Variants in ERBB2 observed in about 807,000 individuals in gnomAD.
ERBB2 encodes receptor tyrosine-protein kinase erbB-2.
ERBB2 carries 61 observed loss-of-function variants against 149.0 expected under a neutral mutation model. The observed-to-expected ratio is 0.41, with a 90% CI of 0.33 to 0.51. ERBB2 has a LOEUF of 0.51. Ranked by LOEUF, ERBB2 falls within the 20% of genes least tolerant of loss-of-function variation. The pLI, the probability that ERBB2 is intolerant of heterozygous loss-of-function variation, is 0.25. For missense variants in ERBB2, 1,205 were observed against 1,655.1 expected, an observed-to-expected ratio of 0.73 and a Z score of 4.72; for synonymous variants, 633 against 678.8, an observed-to-expected ratio of 0.93 and a Z score of 1.05.
chr17:39,724,075 C>A, intron 19 of ERBB2, 65 bp downstream of exon 19: 1 of 1,175,924 alleles, frequency 8.5e-7, no homozygotes, highest in South Asian at 1.3e-5. Flanking sequence ...GGTCTGGGCT[C>A]TGGTCTCTCT....
At chr17:39,717,037 T>C in intron 14 of ERBB2, 4 of 459,292 alleles carry the variant, frequency 8.7e-6, no homozygotes, top group Non-Finnish European at 1.2e-5. Context: ...TACAGAGCAG[T>C]GACTGTTGTT....
intron 7 of ERBB2, among the ~76,000 whole-genome samples, chr17:39,711,637 G>A (rs1326134579): frequency 5.3e-5 from 8 of 152,184 alleles, no homozygotes; most frequent in Non-Finnish European, 1.0e-4. Flanking sequence ...AGGACAAAAT[G>A]TAGAGCCAGA....
rs551733152 is a variant in ERBB2, at chr17:39,724,555, G to A, written c.2308-171G>A. On this transcript the variant is annotated intron_variant, in intron 19 of 26. Transcript: ENST00000269571. ...TTACAGGTGTGAGCCACCGTGCCCG[G>A]CCTAATCTTTGTATTTTTAGTAGAG... Among the ~76,000 whole-genome samples the A allele has an allele frequency of 2.0e-5, 3 of 152,026 alleles. No homozygotes were observed. The South Asian group carries it at 6.2e-4, about 31-fold the overall frequency.
chr17:39,706,063 C>A (rs1196759947), intron 1 of ERBB2, among the ~76,000 whole-genome samples: 1 of 152,194 alleles, frequency 6.6e-6, no homozygotes, highest in African/African-American at 2.4e-5. Flanking sequence ...GGTGCTTTAC[C>A]TCCTCTAGTA....
In ERBB2 at chr17:39,726,263, T is replaced by G; in HGVS notation, c.2873-299T>G. The G allele has an allele frequency of 2.2e-6, 1 of 453,264 alleles. No homozygotes were observed. The highest frequency in any genetic ancestry group is 4.0e-6 in the Non-Finnish European group (1 of 249,654). The allele number at this position is 453,264 out of a possible 1,614,324, so 28.1% of individuals were successfully genotyped here. A position where few individuals can be genotyped will look rare whatever the true frequency, so the allele number is the denominator to read the frequency against. ...AGGCAGGAAGATCACTTGAGCCTAG[T>G]TTAAGGTTGCAGTAAGCTATGATTG... is the stretch of plus-strand genomic sequence containing the variant. On this transcript the variant is annotated intron_variant, in intron 23 of 26. Transcript: ENST00000269571. This position sits in a 1 kb window ranked among gnomAD's most constrained non-coding sequence, Gnocchi z 5.1.
chr17:39,712,514 G>A (rs2145583430), intron 9 of ERBB2, 66 bp downstream of exon 9: 1 of 1,576,410 alleles, frequency 6.3e-7, no homozygotes, highest in South Asian at 1.1e-5. Context: ...TCCAGATGTG[G>A]CAGCATCTCT....
upstream of ERBB2, chr17:39,694,687 C>T (rs1413012812): frequency 1.3e-5 from 2 of 152,118 alleles, no homozygotes; most frequent in African/African-American, 4.8e-5. Context: ...AAAGGTTCCT[C>T]GTCTCCTCTT....
intron 9 of ERBB2, among the ~76,000 whole-genome samples, chr17:39,714,201 C>T (rs1280242268): frequency 3.3e-5 from 5 of 152,018 alleles, no homozygotes; most frequent in African/African-American, 1.2e-4. Flanking sequence ...GTGTGGTTTT[C>T]GTCGTTTTGG....
At chr17:39,718,135 A>T (rs377455732) in intron 15 of ERBB2, among the ~76,000 whole-genome samples, 13 of 152,334 alleles carry the variant, frequency 8.5e-5, no homozygotes, top group South Asian at 4.1e-4. Context: ...TAACAAATAG[A>T]ATCATAGATC....
chr17:39,688,527 C>A (rs1250278400), intron 1 of ERBB2, among the ~76,000 whole-genome samples: 2 of 152,108 alleles, frequency 1.3e-5, no homozygotes, highest in African/African-American at 2.4e-5. Context: ...TTTACTGGCT[C>A]CCAATTACCT....
At chr17:39,708,768 C>T (rs755136060) in intron 3 of ERBB2, among the ~76,000 whole-genome samples, 4 of 152,160 alleles carry the variant, frequency 2.6e-5, no homozygotes, top group African/African-American at 7.2e-5. Context: ...TGGGTTTTTG[C>T]CCCCACTTGG....
intron 9 of ERBB2, among the ~76,000 whole-genome samples, 179 bp downstream of exon 9, chr17:39,712,627 T>A (rs995891408): frequency 1.3e-5 from 2 of 152,156 alleles, no homozygotes; most frequent in African/African-American, 4.8e-5. Context: ...ATTATTTTTG[T>A]AAATGACATG....
intron 1 of ERBB2, among the ~76,000 whole-genome samples, chr17:39,705,168 G>A (rs2058350102): frequency 6.6e-6 from 1 of 152,010 alleles, no homozygotes; most frequent in African/African-American, 2.4e-5. Context: ...CACAGTAGGT[G>A]CTCAGCTCAG....
Position 39,717,104 on chromosome 17 carries a change from G to C in ERBB2, c.1738-216G>C, listed in dbSNP as rs2059177195. ...CCTCTCTGGGTGCCTCCCATTTTCT[G>C]GCTCAAGTCCCTGCCCAGGATCAAG... On this transcript the variant is annotated intron_variant, in intron 14 of 26. Transcript: ENST00000269571. 6.0e-6 allele frequency: 3 copies of C among 496,826 alleles called. No homozygotes were observed. The Admixed American group carries it at 1.1e-4, about 18-fold the overall frequency. 30.8% of individuals were successfully genotyped at this position (496,826 alleles called of 1,614,324 possible).
At chr17:39,707,328 A>G (rs2058503434) in intron 2 of ERBB2, 187 bp downstream of exon 2, 2 of 512,044 alleles carry the variant, frequency 3.9e-6, no homozygotes, top group Non-Finnish European at 6.7e-6. Flanking sequence ...GACTCTCTCT[A>G]TAACGTGGCT....
chr17:39,694,245 A>G (rs56013025), upstream of ERBB2, among the ~76,000 whole-genome samples: 910 of 41,566 alleles, frequency 0.022, 70 homozygotes, highest in Non-Finnish European at 0.037. Context: ...ATATATATAT[A>G]TATATATATA....
At chr17:39,724,344 C>T (rs1043072705) in intron 19 of ERBB2, among the ~76,000 whole-genome samples, 21 of 142,220 alleles carry the variant, frequency 1.5e-4, no homozygotes, top group South Asian at 4.6e-4. Flanking sequence ...GGTCTCAGCT[C>T]AGCCTCCCAG....
intron 4 of ERBB2, 131 bp from the exon 5 acceptor site, chr17:39,709,682 T>A: frequency 1.0e-6 from 1 of 998,416 alleles, no homozygotes; most frequent in Admixed American, 2.0e-5. Context: ...CCTCTCAGCC[T>A]GTCTGGGTCC....
chr17:39,708,344 C>T lies in ERBB2; in HGVS notation c.249C>T (p.Tyr83=), dbSNP rs191376350. The change falls in exon 3 of 27, where the codon TAC becomes TAT. Residue 83 remains tyrosine (Y), a synonymous_variant. Coordinates refer to ENST00000269571, the MANE Select transcript of ERBB2 (RefSeq NM_004448.4). ...AGGATATCCAGGAGGTGCAGGGCTACGTGCTCATCGCTCACAACCAAGTGA... is the reference window on the plus strand; with the variant it reads ...AGGATATCCAGGAGGTGCAGGGCTATGTGCTCATCGCTCACAACCAAGTGA... ...FLQDIQEVQG[Y]VLIAHNQVRQ... is the part of the protein sequence containing the mutation. 20 of 1,614,138 alleles carry T rather than the reference C, an allele frequency of 1.2e-5. No homozygotes were observed. The highest frequency in any genetic ancestry group is 2.7e-5 in the African/African-American group (2 of 75,060).
Sources: gnomAD v4.1 joint callset for allele counts (sites outside exome capture counted in the v4.1 genomes callset) on GRCh38, gnomAD v4.1.1 for gene constraint, Gnocchi (gnomAD v3.1) non-coding constraint, MANE v1.5 for transcripts, NCBI Gene and HGNC (gene_info 2026-07-23, HGNC 2026-07-21) for gene names.